The following CSMD1 variants were observed in gnomAD, a reference collection of about 807,000 sequenced individuals.
CSMD1 encodes the protein CUB and Sushi multiple domains 1.
A neutral mutation model predicts 417.5 loss-of-function variants in CSMD1; 213 were observed. The ratio of observed to expected loss-of-function variants is 0.51; its 90% CI spans 0.46 to 0.57. The LOEUF (loss-of-function observed/expected upper bound fraction) is 0.57, where lower values mean the gene tolerates loss of function less well. CSMD1 is among the 20% of genes least tolerant of loss of function. The pLI is 0.00. For synonymous variants in CSMD1, 2,862 were observed against 1,736.8 expected (o/e 1.65, Z -16.11); for missense variants, 6,923 against 4,529.7 (o/e 1.53, Z -15.17).
At chr8:4,447,373 C>A (rs1275921994) in intron 2 of CSMD1, among the ~76,000 whole-genome samples, 1 of 152,152 alleles carries the variant, frequency 6.6e-6, no homozygotes, top group Admixed American at 6.5e-5. Flanking sequence ...AAATAGAAAT[C>A]CCTTTCAGCT....
intron 5 of CSMD1, among the ~76,000 whole-genome samples, chr8:3,995,370 C>G (rs1815127156): frequency 6.9e-6 from 1 of 145,940 alleles, no homozygotes; most frequent in Non-Finnish European, 1.6e-5. Context: ...TTAAATGTTA[C>G]ACATACACAC....
At chr8:3,455,244 GC>G (rs1816030903) in intron 12 of CSMD1, among the ~76,000 whole-genome samples, 1 of 151,950 alleles carries the variant, frequency 6.6e-6, no homozygotes, top group African/African-American at 2.4e-5. Flanking sequence ...TAACTTCTTT[GC>G]CATGGGTTCA....
intron 3 of CSMD1, among the ~76,000 whole-genome samples, chr8:4,052,721 A>T (rs1178051988): frequency 6.6e-6 from 1 of 152,126 alleles, no homozygotes; most frequent in Non-Finnish European, 1.5e-5. Context: ...ATAAATATTT[A>T]GCTCATCACC....
intron 37 of CSMD1, among the ~76,000 whole-genome samples, chr8:3,168,576 G>T (rs997894181): frequency 6.6e-6 from 1 of 151,500 alleles, no homozygotes. Flanking sequence ...TATAAATGTG[G>T]ACCTCTGCAC....
At chr8:4,442,006 G>A (rs533017333) in intron 2 of CSMD1, among the ~76,000 whole-genome samples, 184 of 152,260 alleles carry the variant, frequency 1.2e-3, no homozygotes, top group Non-Finnish European at 2.0e-3. Context: ...CTTGCCCTGA[G>A]TCATTTCTAT....
chr8:3,041,421 G>A (rs1015908592), intron 50 of CSMD1, among the ~76,000 whole-genome samples: 5 of 152,002 alleles, frequency 3.3e-5, no homozygotes, highest in Non-Finnish European at 5.9e-5. Flanking sequence ...TTGAAAAGGC[G>A]CTAACATGAA....
chr8:4,848,886 T>C (rs545354671), intron 1 of CSMD1, among the ~76,000 whole-genome samples: 4 of 152,336 alleles, frequency 2.6e-5, no homozygotes, highest in African/African-American at 9.6e-5. Context: ...ATGTTTCTGG[T>C]TTATAGTTTT....
chr8:3,983,551 G>A (rs984124460), intron 5 of CSMD1, among the ~76,000 whole-genome samples: 8 of 152,208 alleles, frequency 5.3e-5, no homozygotes, highest in Admixed American at 2.0e-4. Context: ...GTGCCGTGGA[G>A]AAGGACAGCC....
At chr8:3,664,022 T>A (rs1798554733) in intron 7 of CSMD1, among the ~76,000 whole-genome samples, 1 of 152,232 alleles carries the variant, frequency 6.6e-6, no homozygotes, top group African/African-American at 2.4e-5. Flanking sequence ...TTAAAGTTCT[T>A]AATCTTAAAT....
intron 3 of CSMD1, among the ~76,000 whole-genome samples, chr8:4,220,754 G>C (rs533587988): frequency 4.6e-5 from 7 of 152,206 alleles, no homozygotes; most frequent in African/African-American, 1.7e-4. Context: ...CAGAGAAACA[G>C]GGTGGAGAAT....
At position 3,289,132 on chromosome 8, in the gene CSMD1, C is replaced by T. The variant is rs1301371174; in HGVS notation, c.3951-4786G>A. Among the ~76,000 whole-genome samples the T allele has an allele frequency of 3.4e-5, 5 of 147,388 alleles. 1 individual carries two copies. Among genetic ancestry groups the T allele is most frequent in the African/African-American group, 1.3e-4 (5 of 37,104 alleles). ...GAGAATGATGGTTTCCAGCTTCATC[C>T]ATGTCCCTACAAAGCACATGAACTC... On this transcript the variant is annotated intron_variant, in intron 25 of 69. Transcript: ENST00000635120.
At chr8:3,555,652 T>G (rs1563149302) in intron 10 of CSMD1, among the ~76,000 whole-genome samples, 1 of 152,120 alleles carries the variant, frequency 6.6e-6, no homozygotes, top group Non-Finnish European at 1.5e-5. Context: ...TGGAAGTACA[T>G]GTACACTTGA....
At chr8:4,910,546 G>T (rs528145760) in intron 1 of CSMD1, among the ~76,000 whole-genome samples, 4 of 152,076 alleles carry the variant, frequency 2.6e-5, no homozygotes, top group Non-Finnish European at 4.4e-5. Context: ...AATCTCTGAA[G>T]CTTTTTTATA....
At chr8:3,556,527 C>T (rs1329222421) in intron 10 of CSMD1, among the ~76,000 whole-genome samples, 1 of 148,036 alleles carries the variant, frequency 6.8e-6, no homozygotes, top group East Asian at 2.0e-4. Flanking sequence ...CACACACACA[C>T]ACACACACAC....
intron 4 of CSMD1, among the ~76,000 whole-genome samples, chr8:4,023,466 T>C (rs929309089): frequency 2.0e-5 from 3 of 152,158 alleles, no homozygotes; most frequent in Admixed American, 6.5e-5. Flanking sequence ...TTGAGTAGCA[T>C]TAGGGATTGC....
chr8:4,066,046 G>A (rs1309594481), intron 3 of CSMD1, among the ~76,000 whole-genome samples: 3 of 152,296 alleles, frequency 2.0e-5, no homozygotes, highest in Admixed American at 6.5e-5. Context: ...CCCTAAGAAA[G>A]GAATGGGAAA....
At chr8:4,303,882 C>T (rs1259967606) in intron 3 of CSMD1, among the ~76,000 whole-genome samples, 1 of 152,022 alleles carries the variant, frequency 6.6e-6, no homozygotes. Context: ...GTCTCGAACT[C>T]CTGACCTTGT....
intron 4 of CSMD1, among the ~76,000 whole-genome samples, chr8:4,022,446 T>G (rs1356484594): frequency 6.6e-6 from 1 of 152,176 alleles, no homozygotes; most frequent in African/African-American, 2.4e-5. Flanking sequence ...TGGGCGTGGA[T>G]GCAGATAAGG....
At chr8:4,765,123 C>G (rs1005085372) in intron 1 of CSMD1, among the ~76,000 whole-genome samples, 5 of 152,072 alleles carry the variant, frequency 3.3e-5, no homozygotes, top group Non-Finnish European at 7.4e-5. Context: ...AATCTTGGGT[C>G]TCCCTCTGAT....
Sources: gnomAD v4.1 joint callset for allele counts (sites outside exome capture counted in the v4.1 genomes callset) on GRCh38, gnomAD v4.1.1 for gene constraint, MANE v1.5 for transcripts, NCBI Gene and HGNC (gene_info 2026-07-23, HGNC 2026-07-21) for gene names.